The following OTOGL variants were observed in gnomAD, a reference collection of about 807,000 sequenced individuals.
OTOGL encodes otogelin like.
Under a neutral mutation model 318.5 loss-of-function variants are expected in OTOGL, and 285 were observed. The ratio of observed to expected loss-of-function variants is 0.89; its 90% confidence interval spans 0.81 to 0.99. The LOEUF (loss-of-function observed/expected upper bound fraction) is 0.99, where lower values mean the gene tolerates loss of function less well. Among genes scored for constraint, OTOGL ranks in the 50% least tolerant of loss-of-function variants. The pLI is 0.00. For synonymous variants in OTOGL, 987 were observed against 936.5 expected (o/e 1.05, Z -0.99); for missense variants, 2,899 against 2,845.6 (o/e 1.02, Z -0.43).
chr12:80,154,125 A>G (rs1407098055), intron 1 of OTOGL, among the ~76,000 whole-genome samples: 2 of 152,158 alleles, frequency 1.3e-5, no homozygotes, highest in Non-Finnish European at 2.9e-5. Flanking sequence ...CCTGGCCAAC[A>G]TGGCAAAATT....
At chr12:80,124,257 T>G (rs551771944) in intron 1 of OTOGL, among the ~76,000 whole-genome samples, 85 of 152,238 alleles carry the variant, frequency 5.6e-4, no homozygotes, top group Admixed American at 1.4e-3. Context: ...TCTGCATATG[T>G]CTAGCCAGTT....
intron 1 of OTOGL, among the ~76,000 whole-genome samples, chr12:80,103,604 T>C (rs1234979174): frequency 6.6e-6 from 1 of 152,376 alleles, no homozygotes; most frequent in African/African-American, 2.4e-5. Context: ...AGTTATGTTG[T>C]GTGTTAGAAT....
At chr12:80,238,701 G>C (rs756485726) in intron 9 of OTOGL, 150 bp from the exon 10 acceptor site, 1 of 1,056,246 alleles carries the variant, frequency 9.5e-7, no homozygotes, top group African/African-American at 1.7e-5. Flanking sequence ...ATAAAGTAAT[G>C]TTATTATCTA....
chr12:80,149,074 C>T (rs1011836419), intron 1 of OTOGL, among the ~76,000 whole-genome samples: 2 of 152,160 alleles, frequency 1.3e-5, no homozygotes, highest in African/African-American at 4.8e-5. Flanking sequence ...GTTCTCCGTC[C>T]AGCTTTGTTC....
intron 29 of OTOGL, among the ~76,000 whole-genome samples, chr12:80,307,118 T>A (rs1326295414): frequency 6.6e-6 from 1 of 150,612 alleles, no homozygotes; most frequent in Non-Finnish European, 1.5e-5. Flanking sequence ...GAGCACAGGG[T>A]TGGGGGTAAG....
rs776517635 is a variant in OTOGL, at chr12:80,323,773, C to A, written c.4132C>A (p.Pro1378Thr). 3.7e-6 allele frequency: 6 copies of A among 1,613,904 alleles called. No homozygotes were observed. The South Asian group carries it at 5.5e-5, about 15-fold the overall frequency. The change falls in exon 35 of 59, where the codon CCT (proline) becomes ACT (threonine). Residue 1378 changes from proline (P) to threonine (T), a missense_variant. Physicochemically the swap from Pro to Thr is conservative, Grantham distance 38. Around this residue, in one of 3 missense-constraint regions of OTOGL, gnomAD observed 2,607 missense variants for 2,524.9 expected, o/e 1.03. Coordinates refer to ENST00000547103, the MANE Select transcript of OTOGL (RefSeq NM_001378609.3). ...YRKMCEWRYE[P>T]CATPCFKTCS... ...GAAGATGTGTGAATGGAGATATGAA[C>A]CTTGTGCTACACCCTGTTTTAAAAC...
intron 44 of OTOGL, among the ~76,000 whole-genome samples, chr12:80,342,444 A>G (rs1470964185): frequency 2.6e-5 from 4 of 152,058 alleles, no homozygotes; most frequent in African/African-American, 9.7e-5. Context: ...GGAGACAGAG[A>G]TCAATGACAT....
chr12:80,106,852 G>A (rs1374952729), intron 1 of OTOGL, among the ~76,000 whole-genome samples: 1 of 151,292 alleles, frequency 6.6e-6, no homozygotes, highest in Non-Finnish European at 1.5e-5. Flanking sequence ...ATATTTATTA[G>A]TACTATGTTT....
chr12:80,252,732 AT>A (rs1273015802), intron 13 of OTOGL, among the ~76,000 whole-genome samples: 1 of 152,154 alleles, frequency 6.6e-6, no homozygotes, highest in African/African-American at 2.4e-5. Context: ...GAGATAAGTG[AT>A]TTTCCCAATA....
chr12:80,257,665 A>T (rs565961789), intron 17 of OTOGL, among the ~76,000 whole-genome samples, 160 bp from the exon 18 acceptor site: 17 of 152,174 alleles, frequency 1.1e-4, no homozygotes, highest in African/African-American at 4.1e-4. Flanking sequence ...AGGCAGCCAT[A>T]GGTGGCAAAA....
chr12:80,215,304 T>A (rs964204595), intron 4 of OTOGL, among the ~76,000 whole-genome samples: 5 of 151,914 alleles, frequency 3.3e-5, no homozygotes, highest in African/African-American at 1.2e-4. Context: ...GTACTGGGAT[T>A]ATAGGCACAT....
chr12:80,356,629 T>G, intron 48 of OTOGL, 109 bp downstream of exon 48: 4 of 941,194 alleles, frequency 4.2e-6, no homozygotes, highest in Non-Finnish European at 4.5e-6. Flanking sequence ...TATAAAAGAT[T>G]GCGGACTTGT....
chr12:80,200,294 C>A (rs1183777464), intron 1 of OTOGL, among the ~76,000 whole-genome samples: 1 of 152,124 alleles, frequency 6.6e-6, no homozygotes. Context: ...AAATAGTGCT[C>A]TGCCTTAGGT....
At chr12:80,171,500 T>G (rs1253209493) in intron 1 of OTOGL, among the ~76,000 whole-genome samples, 1 of 152,228 alleles carries the variant, frequency 6.6e-6, no homozygotes. Flanking sequence ...TGTGTTGGTA[T>G]TCTTTTTGAT....
intron 1 of OTOGL, among the ~76,000 whole-genome samples, chr12:80,116,458 T>A (rs1870173269): frequency 6.6e-6 from 1 of 152,088 alleles, no homozygotes; most frequent in African/African-American, 2.4e-5. Context: ...TCTACATTGG[T>A]ATCCCTGGGA....
chr12:80,150,160 A>T (rs2137166762), intron 1 of OTOGL, among the ~76,000 whole-genome samples: 1 of 152,336 alleles, frequency 6.6e-6, no homozygotes, highest in African/African-American at 2.4e-5. Flanking sequence ...TCTCAAATAG[A>T]GTACTGTGTG....
chr12:80,339,348 C>G (rs1428868866), intron 43 of OTOGL, 84 bp downstream of exon 43: 1 of 1,096,384 alleles, frequency 9.1e-7, no homozygotes, highest in Non-Finnish European at 1.3e-6. Flanking sequence ...CCATTTTGGA[C>G]CCTGTTGCCC....
At chr12:80,277,072 C>T (rs868497056) in intron 24 of OTOGL, among the ~76,000 whole-genome samples, 1 of 149,048 alleles carries the variant, frequency 6.7e-6, no homozygotes, top group Non-Finnish European at 1.5e-5. Flanking sequence ...AAGTTTTATA[C>T]CTTATCTATT....
At chr12:80,257,378 A>G (rs531265572) in intron 17 of OTOGL, among the ~76,000 whole-genome samples, 26 of 151,688 alleles carry the variant, frequency 1.7e-4, no homozygotes, top group Non-Finnish European at 3.2e-4. Context: ...GACAGGAAAT[A>G]TGGACAAGAG....
Sources: allele counts gnomAD v4.1 joint callset (sites outside exome capture counted in the v4.1 genomes callset), GRCh38; gene constraint gnomAD v4.1.1; regional missense constraint gnomAD v4.1.1; transcripts MANE v1.5; gene names NCBI Gene and HGNC (gene_info 2026-07-23, HGNC 2026-07-21).